Variants in SQLE observed in about 807,000 individuals in gnomAD.
SQLE encodes squalene epoxidase.
Under a neutral mutation model 60.7 loss-of-function variants are expected in SQLE, and 29 were observed. The ratio of observed to expected loss-of-function variants is 0.48; its 90% CI spans 0.36 to 0.65. SQLE has a LOEUF of 0.65. SQLE is among the 30% of genes least tolerant of loss of function. SQLE has a pLI of 0.00. For missense variants in SQLE, 605 were observed against 684.1 expected (o/e 0.88, Z 1.29); for synonymous variants, 237 against 246.8 (o/e 0.96, Z 0.37).
chr8:125,017,921 A>T, intron 7 of SQLE, 138 bp from the exon 8 acceptor site: 2 of 1,086,240 alleles, frequency 1.8e-6, no homozygotes, highest in Non-Finnish European at 2.6e-6. Context: ...AGCAAATTTT[A>T]ATCATGATTT....
intron 10 of SQLE, 146 bp downstream of exon 10, chr8:125,021,017 T>C (rs1196135119): frequency 4.8e-6 from 3 of 619,324 alleles, no homozygotes; most frequent in East Asian, 2.9e-5. Context: ...CCCAAAGAAA[T>C]GAAGAAACGC....
chr8:125,011,111 G>T (rs563297666), intron 6 of SQLE: 1 of 152,896 alleles, frequency 6.5e-6, no homozygotes, highest in Non-Finnish European at 1.5e-5. Flanking sequence ...CTTTTCTAGT[G>T]TACATACCCT....
chr8:125,015,925 TC>T (rs1815105710), intron 7 of SQLE, among the ~76,000 whole-genome samples: 2 of 101,358 alleles, frequency 2.0e-5, no homozygotes, highest in African/African-American at 6.1e-5. Flanking sequence ...GTCTTGCCCC[TC>T]TCTCCTGGCC....
chr8:124,999,653 C>A lies in SQLE; in HGVS notation c.250C>A (p.Pro84Thr). Reference sequence around the variant, plus strand: ...CATTGGCTTCTTCTGGGCCAAATCCCCCCCTGAATCAGAAAATAAGGAGCA... The same window carrying A: ...CATTGGCTTCTTCTGGGCCAAATCCACCCCTGAATCAGAAAATAAGGAGCA... ...PFIGFFWAKS[P>T]PESENKEQLE... The change falls in exon 1 of 11, where the codon CCC (proline) becomes ACC (threonine). Residue 84 changes from proline (P) to threonine (T), a missense_variant. By Grantham distance (38) the Pro-to-Thr change is conservative. Coordinates refer to ENST00000265896, the MANE Select transcript of SQLE (RefSeq NM_003129.4). 1 of 1,608,290 alleles carries A rather than the reference C, an allele frequency of 6.2e-7. No individual in the cohort carries two copies. Among genetic ancestry groups the A allele is most frequent in the Non-Finnish European group, 8.5e-7 (1 of 1,177,130 alleles).
chr8:124,998,690 G>C lies in SQLE; in HGVS notation c.-714G>C. ...TTTATCGGTGGGGAAGTGCAGTCGC[G>C]GTGGGCGGCTCTGGGGGCCAGCGAA... On this transcript the variant is annotated 5_prime_UTR_variant, in exon 1 of 11. Transcript: ENST00000265896. 1.6e-6 allele frequency: 1 copy of C among 640,554 alleles called. No homozygotes were observed. The highest frequency in any genetic ancestry group is 1.6e-5 in the South Asian group (1 of 61,384). The allele number at this position is 640,554 out of a possible 1,614,324, so 39.7% of individuals were successfully genotyped here.
chr8:125,009,444 GA>G, intron 6 of SQLE, 101 bp downstream of exon 6: 2 of 1,192,146 alleles, frequency 1.7e-6, no homozygotes, highest in Non-Finnish European at 2.3e-6. Flanking sequence ...AGATATTCTG[GA>G]ACTGAACTAT....
chr8:125,021,805 T>C lies in SQLE; in HGVS notation c.1585T>C (p.Tyr529His). Residue 529 changes from tyrosine to histidine, a missense_variant, in exon 11 of 11, where the codon TAT becomes CAT. Coordinates refer to ENST00000265896, the MANE Select transcript of SQLE (RefSeq NM_003129.4). Reference sequence around the variant, plus strand: ...TGGACACTTCTTTGCTGTTGCAATCTATGCCGTGTATTTTTGCTTTAAGTC... The same window carrying C: ...TGGACACTTCTTTGCTGTTGCAATCCATGCCGTGTATTTTTGCTTTAAGTC... ...LIGHFFAVAI[Y>H]AVYFCFKSEP... 6.2e-7 allele frequency: 1 copy of C among 1,609,656 alleles called. No individual in the cohort carries two copies.
intron 1 of SQLE, among the ~76,000 whole-genome samples, chr8:125,000,711 C>G (rs187383078): frequency 6.0e-4 from 92 of 152,250 alleles, no homozygotes; most frequent in African/African-American, 2.1e-3. Context: ...GCCTCAGCCT[C>G]CCAAAGTGCT....
chr8:125,010,344 A>G (rs890880721), intron 6 of SQLE, among the ~76,000 whole-genome samples: 1 of 152,242 alleles, frequency 6.6e-6, no homozygotes. Context: ...TTCATGGTAC[A>G]GTTTTTAGGA....
chr8:125,012,348 C>A (rs139413336), intron 7 of SQLE, among the ~76,000 whole-genome samples: 5 of 152,298 alleles, frequency 3.3e-5, no homozygotes, highest in Admixed American at 6.5e-5. Context: ...GTGTGCATCA[C>A]CACCACAATC....
intron 8 of SQLE, 110 bp downstream of exon 8, chr8:125,018,311 A>ATGG: frequency 8.9e-7 from 1 of 1,118,392 alleles, no homozygotes. Context: ...GATGCTTTAT[A>ATGG]ATAGCTCTTA....
Position 125,009,261 on chromosome 8 carries a change from T to C in SQLE, c.1026T>C (p.Thr342=), listed in dbSNP as rs370591637. Residue 342 remains threonine (T), a synonymous_variant, in exon 6 of 11, where the codon ACT becomes ACC. Coordinates refer to ENST00000265896, the MANE Select transcript of SQLE (RefSeq NM_003129.4). ...VLIYQISSSE[T]RVLVDIRGEM... ...TCTACCAGATTTCATCCAGTGAAAC[T>C]CGAGTACTTGTTGACATTAGAGGAG... 1.9e-6 allele frequency: 3 copies of C among 1,613,910 alleles called. No homozygotes were observed. The highest frequency in any genetic ancestry group is 2.5e-6 in the Non-Finnish European group (3 of 1,179,890).
intron 9 of SQLE, 23 bp downstream of exon 9, chr8:125,018,750 G>A: frequency 6.9e-7 from 1 of 1,457,898 alleles, no homozygotes. Flanking sequence ...ACTTTTTAGT[G>A]AATATTACTC....
chr8:125,013,581 G>C (rs1362180464), intron 7 of SQLE, among the ~76,000 whole-genome samples: 1 of 152,048 alleles, frequency 6.6e-6, no homozygotes, highest in Non-Finnish European at 1.5e-5. Context: ...TCAAACTCCT[G>C]ACCTCAGGTG....
chr8:124,998,652 C>T lies in SQLE; in HGVS notation c.-752C>T, dbSNP rs1814786289. On this transcript the variant is annotated 5_prime_UTR_variant, in exon 1 of 11. Transcript: ENST00000265896. ...GCCGCCGCCATCTGAGGGAGGTACC[C>T]TGGAAACCACCTTTTATCGGTGGGG... The T allele has an allele frequency of 3.0e-6, 2 of 670,564 alleles. No individual in the cohort carries two copies. The highest frequency in any genetic ancestry group is 2.2e-5 in the Admixed American group (1 of 46,454). 41.5% of individuals were successfully genotyped at this position (670,564 alleles called of 1,614,324 possible).
chr8:125,010,012 A>G (rs1298373986), intron 6 of SQLE, among the ~76,000 whole-genome samples: 2 of 152,232 alleles, frequency 1.3e-5, no homozygotes, highest in African/African-American at 2.4e-5. Context: ...TTTAGCAAAC[A>G]TAATTTCATT....
At chr8:125,021,293 G>A (rs576892684) in intron 10 of SQLE, among the ~76,000 whole-genome samples, 100 of 152,114 alleles carry the variant, frequency 6.6e-4, no homozygotes, top group African/African-American at 2.3e-3. Context: ...GAAATCTATC[G>A]AGTTATTTCT....
At chr8:124,999,752 A>G (rs1166469376) in intron 1 of SQLE, 58 bp downstream of exon 1, 1 of 1,502,878 alleles carries the variant, frequency 6.7e-7, no homozygotes, top group Non-Finnish European at 8.9e-7. Flanking sequence ...GATTGGGTTC[A>G]CTCAAATATA....
chr8:125,004,451 A>G (rs940889083), intron 2 of SQLE, among the ~76,000 whole-genome samples: 5 of 152,014 alleles, frequency 3.3e-5, no homozygotes, highest in African/African-American at 4.8e-5. Context: ...TTATTGTTAT[A>G]TTTTCTAAAA....
Sources: gnomAD v4.1 joint callset for allele counts (sites outside exome capture counted in the v4.1 genomes callset) on GRCh38, gnomAD v4.1.1 for gene constraint, MANE v1.5 for transcripts, NCBI Gene and HGNC (gene_info 2026-07-23, HGNC 2026-07-21) for gene names.